CELF1: variants seen among roughly 807,000 people sequenced by gnomAD.
CELF1 encodes CUGBP Elav-like family member 1, also known as 50 kDa nuclear polyadenylated RNA-binding protein.
Under a neutral mutation model 61.8 loss-of-function variants are expected in CELF1, and 10 were observed. The observed-to-expected ratio is 0.16, with a 90% CI of 0.10 to 0.27. The LOEUF (loss-of-function observed/expected upper bound fraction) is 0.27. Among genes scored for constraint, CELF1 ranks in the 10% least tolerant of loss-of-function variants. The probability of loss-of-function intolerance (pLI) is 1.00; values close to 1 mark genes in which losing one functional copy is unlikely to be tolerated. For synonymous variants in CELF1, 236 were observed against 225.1 expected, an observed-to-expected ratio of 1.05 and a Z score of -0.43; for missense variants, 380 against 639.1, an observed-to-expected ratio of 0.59 and a Z score of 4.37.
Position 47,499,518 on chromosome 11 carries a change from AG to A in CELF1, c.5del (p.Ala2ValfsTer11). Reference sequence around the variant, plus strand: ...CTGGAAGGAAATCCAACTTAAACGCAGCCATCACCTCACTCTCCCCTTCAGA... The same window carrying A: ...CTGGAAGGAAATCCAACTTAAACGCACCATCACCTCACTCTCCCCTTCAGA... MAAFKLDFLPEM... is the reference protein window; with the variant it reads MXAFKLDFLPEM... On this transcript the variant is annotated frameshift_variant, in exon 3 of 15. Coordinates refer to ENST00000687097, the MANE Select transcript of CELF1 (RefSeq NM_001376376.1). LOFTEE classifies it high-confidence loss of function. The A allele has an allele frequency of 6.5e-7, 1 of 1,535,752 alleles. No homozygotes were observed. Among genetic ancestry groups the A allele is most frequent in the Non-Finnish European group, 8.7e-7 (1 of 1,146,558 alleles).
intron 1 of CELF1, among the ~76,000 whole-genome samples, chr11:47,502,510 G>A (rs1192155415): frequency 7.2e-5 from 11 of 152,032 alleles, no homozygotes; most frequent in Admixed American, 1.3e-4. Flanking sequence ...CCGTGTGTGC[G>A]TGTGTGTGTA....
intron 13 of CELF1, among the ~76,000 whole-genome samples, 155 bp downstream of exon 13, chr11:47,475,181 C>T (rs1353747987): frequency 6.6e-6 from 1 of 152,206 alleles, no homozygotes; most frequent in Non-Finnish European, 1.5e-5. Context: ...GCAGATCACA[C>T]TTCACAGGGT....
chr11:47,474,502 C>G (rs2079113134), intron 13 of CELF1, among the ~76,000 whole-genome samples: 1 of 152,228 alleles, frequency 6.6e-6, no homozygotes, highest in African/African-American at 2.4e-5. Flanking sequence ...TCCAGAGGAT[C>G]ATCTGAAACA....
intron 9 of CELF1, among the ~76,000 whole-genome samples, chr11:47,480,938 G>A (rs565367703): frequency 4.4e-4 from 67 of 152,074 alleles, no homozygotes; most frequent in Non-Finnish European, 7.9e-4. Context: ...TGCAGTTGGA[G>A]GTTGCAGTGA....
chr11:47,497,961 G>A (rs1206272472), intron 3 of CELF1, among the ~76,000 whole-genome samples: 2 of 152,226 alleles, frequency 1.3e-5, no homozygotes, highest in East Asian at 1.9e-4. Flanking sequence ...CAACAGCCTT[G>A]TTTCTAAGGA....
chr11:47,475,579 C>CA, intron 12 of CELF1, 58 bp from the exon 13 acceptor site: 1 of 1,559,388 alleles, frequency 6.4e-7, no homozygotes, highest in Non-Finnish European at 8.8e-7. Context: ...ATGCCAAAGA[C>CA]AAGTCTACTT....
chr11:47,519,972 G>C (rs904971354), intron 1 of CELF1, among the ~76,000 whole-genome samples: 2 of 149,732 alleles, frequency 1.3e-5, no homozygotes, highest in Admixed American at 6.7e-5. Flanking sequence ...AATTTAACTT[G>C]TCAGTGCTTT....
intron 1 of CELF1, among the ~76,000 whole-genome samples, chr11:47,540,612 C>T (rs1400094476): frequency 1.3e-5 from 2 of 152,094 alleles, no homozygotes; most frequent in Admixed American, 6.6e-5. Flanking sequence ...AGGCTGGGCG[C>T]GGTGGCTCAC....
chr11:47,504,100 A>G (rs1329155853), intron 1 of CELF1, among the ~76,000 whole-genome samples: 2 of 152,136 alleles, frequency 1.3e-5, no homozygotes, highest in Admixed American at 6.5e-5. Context: ...GACTGGGCCC[A>G]GGAGGTCAAG....
chr11:47,562,049 A>T (rs2153791546), intron 2 of CELF1, among the ~76,000 whole-genome samples: 1 of 151,854 alleles, frequency 6.6e-6, no homozygotes, highest in African/African-American at 2.4e-5. Flanking sequence ...CAACATGGAG[A>T]AACCCCGTCT....
intron 8 of CELF1, 27 bp downstream of exon 8, chr11:47,483,426 T>C (rs756411898): frequency 6.3e-7 from 1 of 1,593,968 alleles, no homozygotes; most frequent in East Asian, 2.2e-5. Flanking sequence ...GCTGAGGAAT[T>C]TTCCCCATCA....
At chr11:47,534,290 A>G (rs1029118609) in intron 1 of CELF1, among the ~76,000 whole-genome samples, 1 of 150,660 alleles carries the variant, frequency 6.6e-6, no homozygotes, top group African/African-American at 2.4e-5. Context: ...TTGGCCTCCC[A>G]AAGTGCTGGG....
intron 1 of CELF1, among the ~76,000 whole-genome samples, chr11:47,540,997 G>C (rs1451772170): frequency 6.6e-6 from 1 of 152,138 alleles, no homozygotes; most frequent in Non-Finnish European, 1.5e-5. Flanking sequence ...GTTAGCAGCA[G>C]CAACACCCAG....
chr11:47,472,283 T>G lies in CELF1; in HGVS notation c.1492A>C (p.Lys498Gln). Residue 498 changes from lysine to glutamine, a missense_variant, in exon 15 of 15, where the codon AAG becomes CAG. Lys to Gln is a moderately conservative substitution (Grantham distance 53). Coordinates refer to ENST00000687097, the MANE Select transcript of CELF1 (RefSeq NM_001376376.1). ...CGTTTGAGCTGCACTTTAAGCCGCT[T>G]CATGCCAATCTGAAAGCCGTTCATG... ...QSMNGFQIGMKRLKVQLKRSK... is the reference protein window; with the variant it reads ...QSMNGFQIGMQRLKVQLKRSK... The G allele has an allele frequency of 6.2e-7, 1 of 1,614,186 alleles. No individual in the cohort carries two copies. Among genetic ancestry groups the G allele is most frequent in the Non-Finnish European group, 8.5e-7 (1 of 1,180,030 alleles).
chr11:47,495,291 G>A (rs2092853972), intron 3 of CELF1, among the ~76,000 whole-genome samples: 1 of 152,114 alleles, frequency 6.6e-6, no homozygotes, highest in Admixed American at 6.5e-5. Context: ...GTCACAAAAG[G>A]CCACATAGTA....
At chr11:47,544,313 A>G (rs2096879079) in intron 1 of CELF1, among the ~76,000 whole-genome samples, 1 of 152,228 alleles carries the variant, frequency 6.6e-6, no homozygotes, top group Non-Finnish European at 1.5e-5. Flanking sequence ...ACATGGAAAA[A>G]GAAACAGCAT....
Position 47,471,706 on chromosome 11 carries a change from A to T in CELF1, c.*524T>A, listed in dbSNP as rs996077118. ...AGGGCATTAGGTGTCTAGTCACTCC[A>T]CTCTTCCCCAAAGCCGCTCTGCTCC... On this transcript the variant is annotated 3_prime_UTR_variant, in exon 15 of 15. Coordinates refer to ENST00000687097, the MANE Select transcript of CELF1 (RefSeq NM_001376376.1). 5 of 152,120 alleles carry T rather than the reference A, an allele frequency of 3.3e-5. No individual in the cohort carries two copies. Among genetic ancestry groups the T allele is most frequent in the African/African-American group, 1.2e-4 (5 of 41,268 alleles). 9.4% of individuals were successfully genotyped at this position (152,120 alleles called of 1,614,324 possible).
intron 1 of CELF1, among the ~76,000 whole-genome samples, chr11:47,504,370 G>C (rs1033724011): frequency 4.0e-5 from 6 of 150,568 alleles, no homozygotes; most frequent in African/African-American, 1.5e-4. Context: ...AGCATCATTT[G>C]AGCTCAGGCA....
intron 1 of CELF1, among the ~76,000 whole-genome samples, chr11:47,548,023 G>A (rs2097022794): frequency 1.3e-5 from 2 of 152,002 alleles, no homozygotes; most frequent in Admixed American, 1.3e-4. Flanking sequence ...AAAACGGGCC[G>A]GGCACGGTGG....
Sources: gnomAD v4.1 joint callset for allele counts (sites outside exome capture counted in the v4.1 genomes callset) on GRCh38, gnomAD v4.1.1 for gene constraint, MANE v1.5 for transcripts, NCBI Gene and HGNC (gene_info 2026-07-23, HGNC 2026-07-21) for gene names.